Variants in SLC25A13 observed in about 807,000 individuals in gnomAD.
The protein encoded by SLC25A13 is solute carrier family 25 member 13, also known as electrogenic aspartate/glutamate antiporter SLC25A13, mitochondrial.
In SLC25A13, 70 loss-of-function variants were observed where a neutral mutation model predicts 85.5. That is an observed-to-expected ratio of 0.82 (90% CI 0.68 to 1.00). The LOEUF is 1.00. SLC25A13 is among the 50% of genes least tolerant of loss of function. The pLI is 0.00. For missense variants in SLC25A13, 765 were observed against 819.8 expected, an observed-to-expected ratio of 0.93 and a Z score of 0.82; for synonymous variants, 259 against 288.7, an observed-to-expected ratio of 0.90 and a Z score of 1.04.
chr7:96,122,247 T>A (rs1473523649), intron 15 of SLC25A13, among the ~76,000 whole-genome samples: 1 of 152,222 alleles, frequency 6.6e-6, no homozygotes, highest in African/African-American at 2.4e-5. Context: ...TTTGTTTCTA[T>A]TCCTAAATCT....
At chr7:96,184,632 G>C in intron 10 of SLC25A13, 197 bp from the exon 11 acceptor site, 1 of 646,978 alleles carries the variant, frequency 1.5e-6, no homozygotes, top group East Asian at 2.7e-5. Context: ...CTAATAAAAG[G>C]ATGTCATAGA....
At chr7:96,258,077 T>A (rs960525827) in intron 3 of SLC25A13, among the ~76,000 whole-genome samples, 7 of 152,086 alleles carry the variant, frequency 4.6e-5, no homozygotes, top group African/African-American at 1.7e-4. Context: ...TCAAAAAGAA[T>A]AAGAGCTATT....
chr7:96,229,503 C>CT (rs1403240588), intron 4 of SLC25A13, among the ~76,000 whole-genome samples: 1 of 152,124 alleles, frequency 6.6e-6, no homozygotes, highest in Admixed American at 6.5e-5. Context: ...CTCTGGTCCC[C>CT]TTCCACGCTG....
intron 14 of SLC25A13, among the ~76,000 whole-genome samples, chr7:96,140,968 T>C (rs1792531686): frequency 1.3e-5 from 2 of 151,812 alleles, no homozygotes; most frequent in African/African-American, 4.8e-5. Context: ...TTCTTCACGG[T>C]AGCACCAGCT....
chr7:96,321,690 T>A (rs1054835033), intron 1 of SLC25A13, among the ~76,000 whole-genome samples: 14 of 151,976 alleles, frequency 9.2e-5, no homozygotes, highest in African/African-American at 2.9e-4. Context: ...CCAACTTCCC[T>A]CCCCGGCCAA....
chr7:96,246,292 T>C (rs1413642789), intron 3 of SLC25A13, among the ~76,000 whole-genome samples: 2 of 152,224 alleles, frequency 1.3e-5, no homozygotes, highest in Non-Finnish European at 2.9e-5. Flanking sequence ...TTAATGCCCA[T>C]ATTACCTATG....
rs1478970447 is a variant in SLC25A13 at position 96,260,496 on chromosome 7, AC to A, written c.212+16699del. Reference sequence around the variant, plus strand: ...ACTCACTGAAGTTACAACAGCACCAACTCCTTATGCTGAGAATTGGCTCAGA... The same window carrying A: ...ACTCACTGAAGTTACAACAGCACCAATCCTTATGCTGAGAATTGGCTCAGA... On this transcript the variant is annotated intron_variant, in intron 3 of 17. Coordinates refer to ENST00000265631, the MANE Select transcript of SLC25A13 (RefSeq NM_014251.3). Among the ~76,000 whole-genome samples the A allele has an allele frequency of 1.1e-4, 16 of 152,004 alleles. 1 individual carries two copies. Among genetic ancestry groups the A allele is most frequent in the African/African-American group, 2.9e-4 (12 of 41,466 alleles).
intron 4 of SLC25A13, among the ~76,000 whole-genome samples, chr7:96,214,481 A>G (rs1296509756): frequency 6.6e-6 from 1 of 152,208 alleles, no homozygotes; most frequent in African/African-American, 2.4e-5. Context: ...TAATCCCAGC[A>G]TTTGGGAGGC....
At chr7:96,275,956 T>C (rs932232610) in intron 3 of SLC25A13, among the ~76,000 whole-genome samples, 2 of 152,134 alleles carry the variant, frequency 1.3e-5, no homozygotes, top group African/African-American at 4.8e-5. Flanking sequence ...GTATTCGAAG[T>C]ACATAAAGAC....
chr7:96,156,072 G>A (rs2059513884), intron 13 of SLC25A13, among the ~76,000 whole-genome samples: 1 of 152,104 alleles, frequency 6.6e-6, no homozygotes, highest in Non-Finnish European at 1.5e-5. Flanking sequence ...TGATCATATG[G>A]ACTAGAATTC....
At chr7:96,272,765 C>T (rs949483305) in intron 3 of SLC25A13, among the ~76,000 whole-genome samples, 1 of 151,970 alleles carries the variant, frequency 6.6e-6, no homozygotes, top group African/African-American at 2.4e-5. Context: ...GATTAAAAGA[C>T]AAAGAAAAGG....
intron 9 of SLC25A13, among the ~76,000 whole-genome samples, chr7:96,187,299 C>A (rs181586369): frequency 6.6e-6 from 1 of 152,180 alleles, no homozygotes; most frequent in Non-Finnish European, 1.5e-5. Context: ...CAGCTATCAA[C>A]CCACTGAATT....
chr7:96,268,497 C>T (rs1225303025), intron 3 of SLC25A13, among the ~76,000 whole-genome samples: 1 of 152,036 alleles, frequency 6.6e-6, no homozygotes, highest in Non-Finnish European at 1.5e-5. Context: ...TCATTAAGGC[C>T]CACCAAAAAC....
chr7:96,158,758 A>G lies in SLC25A13; in HGVS notation c.1311+11287T>C, dbSNP rs1008722535. On this transcript the variant is annotated intron_variant, in intron 13 of 17. Transcript: ENST00000265631. ...ACAATTGTAACTACAAACAAGATAT[A>G]TAGTAATAAATGTCTAGTGATTTAT... Among the ~76,000 whole-genome samples, 6 of 152,256 alleles carry G rather than the reference A, an allele frequency of 3.9e-5. No individual in the cohort carries two copies. In the South Asian group the frequency reaches 1.2e-3, roughly 32 times the overall value.
At chr7:96,253,551 T>C (rs1797515539) in intron 3 of SLC25A13, among the ~76,000 whole-genome samples, 1 of 152,206 alleles carries the variant, frequency 6.6e-6, no homozygotes, top group Non-Finnish European at 1.5e-5. Flanking sequence ...TCAGTGATCC[T>C]TTCACTCTAT....
At chr7:96,267,074 A>G (rs913347619) in intron 3 of SLC25A13, among the ~76,000 whole-genome samples, 2 of 152,158 alleles carry the variant, frequency 1.3e-5, no homozygotes, top group African/African-American at 2.4e-5. Context: ...TCATTAGCAA[A>G]TTGAAAGACC....
intron 1 of SLC25A13, among the ~76,000 whole-genome samples, chr7:96,317,516 CCTGTG>C (rs1584616835): frequency 6.6e-6 from 1 of 152,020 alleles, no homozygotes; most frequent in East Asian, 1.9e-4. Flanking sequence ...CTAAATGTAG[CCTGTG>C]CTCTCACCTC....
At chr7:96,297,002 C>A (rs1349085130) in intron 1 of SLC25A13, 51 bp from the exon 2 acceptor site, 1 of 1,482,266 alleles carries the variant, frequency 6.7e-7, no homozygotes, top group Non-Finnish European at 9.4e-7. Flanking sequence ...GCTGAGAAAT[C>A]AAGCTAGCCG....
intron 13 of SLC25A13, among the ~76,000 whole-genome samples, chr7:96,154,602 T>C (rs1289590171): frequency 6.6e-6 from 1 of 152,072 alleles, no homozygotes; most frequent in African/African-American, 2.4e-5. Context: ...CGGCCGAGTA[T>C]CTTAAAAAGG....
Sources: gnomAD v4.1 joint callset for allele counts (sites outside exome capture counted in the v4.1 genomes callset) on GRCh38, gnomAD v4.1.1 for gene constraint, MANE v1.5 for transcripts, NCBI Gene and HGNC (gene_info 2026-07-23, HGNC 2026-07-21) for gene names.